The following AATK variants were observed in gnomAD, a reference collection of about 807,000 sequenced individuals.
AATK encodes the protein serine/threonine-protein kinase LMTK1.
Under a neutral mutation model 114.3 loss-of-function variants are expected in AATK, and 91 were observed. The observed-to-expected ratio is 0.80, with a 90% CI of 0.67 to 0.95. The LOEUF (loss-of-function observed/expected upper bound fraction) is 0.95, where lower values mean the gene tolerates loss of function less well. Among genes scored for constraint, AATK ranks in the 40% least tolerant of loss-of-function variants. AATK has a pLI of 0.00. For synonymous variants in AATK, 1,075 were observed against 916.5 expected, an observed-to-expected ratio of 1.17 and a Z score of -3.12; for missense variants, 2,176 against 1,965.2, an observed-to-expected ratio of 1.11 and a Z score of -2.03.
At chr17:81,133,719 G>C (rs2060970044) in intron 2 of AATK, among the ~76,000 whole-genome samples, 1 of 152,186 alleles carries the variant, frequency 6.6e-6, no homozygotes, top group South Asian at 2.1e-4. Flanking sequence ...GGGGTTTGCA[G>C]GGGGAGGAGC....
intron 1 of AATK, among the ~76,000 whole-genome samples, chr17:81,137,994 AC>A (rs988588453): frequency 4.6e-4 from 69 of 149,824 alleles, no homozygotes; most frequent in African/African-American, 1.7e-3. Flanking sequence ...GCGTGCACAC[AC>A]CCCCACACAC....
chr17:81,137,686 GA>G (rs1168792311), intron 1 of AATK, among the ~76,000 whole-genome samples: 1 of 152,140 alleles, frequency 6.6e-6, no homozygotes, highest in African/African-American at 2.4e-5. Context: ...GTGCATGCAT[GA>G]AAACACATGA....
At chr17:81,149,828 A>T (rs898844809) in intron 1 of AATK, among the ~76,000 whole-genome samples, 1 of 152,138 alleles carries the variant, frequency 6.6e-6, no homozygotes, top group East Asian at 1.9e-4. Flanking sequence ...AGCCCCCATC[A>T]GCCCAGCCTC....
Position 81,131,151 on chromosome 17 carries a change from G to C in AATK, c.244C>G (p.Pro82Ala), listed in dbSNP as rs1268362444. 6.3e-7 allele frequency: 1 copy of C among 1,577,004 alleles called. No individual in the cohort carries two copies. Among genetic ancestry groups the C allele is most frequent in the Admixed American group, 1.8e-5 (1 of 55,778 alleles). ...EYAADLAQGS[P>A]ATAAQNGPDV... ...GGCCCGTTCTGTGCTGCCGTGGCCG[G>C]GGAGCCCTGCGCCAGGTCGGCTGCG... The change falls in exon 3 of 14, where the codon CCG (proline) becomes GCG (alanine). Residue 82 changes from proline (P) to alanine (A), a missense_variant. Physicochemically the swap from Pro to Ala is conservative, Grantham distance 27. Around this residue, in one of 4 missense-constraint regions of AATK, gnomAD observed 178 missense variants for 175.4 expected, o/e 1.01. Transcript: ENST00000326724.
At position 81,120,881 on chromosome 17, in the gene AATK, G is replaced by T; in HGVS notation, c.3055C>A (p.Arg1019=). ...AGGCCCAGCTCTGGCCCGGGGGCTC[G>T]GTCCCCGCCGCACTTCTTCTCTGGG... ...SGPEKKCGGD[R]APGPELGLPS... The change falls in exon 11 of 14, where the codon CGA becomes AGA. Residue 1019 remains arginine (R), a synonymous_variant. Coordinates refer to ENST00000326724, the MANE Select transcript of AATK (RefSeq NM_001080395.3). 6.3e-7 allele frequency: 1 copy of T among 1,579,156 alleles called. No individual in the cohort carries two copies. Among genetic ancestry groups the T allele is most frequent in the East Asian group, 2.3e-5 (1 of 42,882 alleles).
chr17:81,165,216 C>A (rs1384680940), intron 1 of AATK, among the ~76,000 whole-genome samples: 1 of 152,230 alleles, frequency 6.6e-6, no homozygotes, highest in Non-Finnish European at 1.5e-5. Flanking sequence ...GGGCTTCCAG[C>A]TGTCCCCAGC....
rs377627608 is a variant in AATK, at chr17:81,117,458, C to G, written c.*944G>C. 1 of 152,386 alleles carries G rather than the reference C, an allele frequency of 6.6e-6. No homozygotes were observed. The highest frequency in any genetic ancestry group is 1.9e-4 in the East Asian group (1 of 5,188). 9.4% of individuals were successfully genotyped at this position (152,386 alleles called of 1,614,324 possible). ...AACTTAAAATCACCCAACTTCCATT[C>G]GCTCCAACCACAGCAGTTAGTTAGT... On this transcript the variant is annotated 3_prime_UTR_variant, in exon 14 of 14. Transcript: ENST00000326724.
rs762727576 is a variant in AATK, at chr17:81,124,770, T to C, written c.919A>G (p.Ser307Gly). Residue 307 changes from serine (S) to glycine (G), a missense_variant, in exon 9 of 14, where the codon AGC becomes GGC. Transcript: ENST00000326724. ...GTCTGGTCCACGACGAGCAGGTTGC[T>C]ATGCACCTCGTCCACCAGCTCTGGC... Reference protein sequence around the residue: ...IAPELVDEVHSNLLVVDQTKS... With the variant: ...IAPELVDEVHGNLLVVDQTKS... 13 of 1,612,784 alleles carry C rather than the reference T, an allele frequency of 8.1e-6. No individual in the cohort carries two copies. The highest frequency in any genetic ancestry group is 1.6e-4 in the Middle Eastern group (1 of 6,082).
In AATK at chr17:81,126,375, G is replaced by T; in HGVS notation, c.755+52C>A. On this transcript the variant is annotated intron_variant, in intron 7 of 13. Coordinates refer to ENST00000326724, the MANE Select transcript of AATK (RefSeq NM_001080395.3). The surrounding 1 kb of genome is among the most constrained non-coding windows in gnomAD (Gnocchi z 5.1). ...GACCCGCCCTATGCCCTTCCTTCAG[G>T]GGAGGGGCCTGGCCTAGGGCTTCCC... The T allele has an allele frequency of 2.0e-6, 3 of 1,520,944 alleles. No individual in the cohort carries two copies. Among genetic ancestry groups the T allele is most frequent in the Non-Finnish European group, 2.7e-6 (3 of 1,127,880 alleles). 94.2% of individuals were successfully genotyped at this position (1,520,944 alleles called of 1,614,324 possible). A position where few individuals can be genotyped will look rare whatever the true frequency, so the allele number is the denominator to read the frequency against.
intron 3 of AATK, among the ~76,000 whole-genome samples, chr17:81,130,558 C>A: frequency 6.6e-6 from 1 of 152,288 alleles, no homozygotes; most frequent in African/African-American, 2.4e-5. Flanking sequence ...CCCACACGGG[C>A]CCCACCAGCG....
At chr17:81,165,795 A>G in intron 1 of AATK, 143 bp downstream of exon 1, 3 of 1,502,016 alleles carry the variant, frequency 2.0e-6, no homozygotes, top group Non-Finnish European at 2.7e-6. Flanking sequence ...TGGGGCCGCC[A>G]GGGGGTCCGG....
At position 81,121,811 on chromosome 17, in the gene AATK, G is replaced by A; in HGVS notation, c.2125C>T (p.Pro709Ser). The change falls in exon 11 of 14, where the codon CCC becomes TCC. Residue 709 changes from proline (P) to serine (S), a missense_variant. Around this residue, in one of 4 missense-constraint regions of AATK, gnomAD observed 1,701 missense variants for 1,394.7 expected, o/e 1.22. Transcript: ENST00000326724. ...GCCCGTGGGGTCTGCTTTGGACTGG[G>A]GCAGCCCTCAGCGTGGCCGCCCGCA... ...VSAGGHAEGC[P>S]SPKQTPRASP... 6.3e-7 allele frequency: 1 copy of A among 1,585,644 alleles called. No individual in the cohort carries two copies. The highest frequency in any genetic ancestry group is 8.5e-7 in the Non-Finnish European group (1 of 1,172,670).
intron 1 of AATK, 100 bp downstream of exon 1, chr17:81,165,838 G>C: frequency 6.6e-7 from 1 of 1,522,352 alleles, no homozygotes; most frequent in Non-Finnish European, 8.8e-7. Flanking sequence ...GGCGGGGAAA[G>C]GGTTAATTTC....
chr17:81,122,668 C>A lies in AATK; in HGVS notation c.1268G>T (p.Gly423Val). Residue 423 changes from glycine to valine, a missense_variant, in exon 11 of 14, where the codon GGC becomes GTC. By Grantham distance (109) the Gly-to-Val change is moderately radical (BLOSUM62 -3). This residue lies in a region of AATK where 1,701 missense variants were observed against 1,394.7 expected (regional missense o/e 1.22). Transcript: ENST00000326724. ...RWRSLRPGGG[G>V]VGPGPGAAGP... ...CGCCGCACCGGGCCCGGGCCCCACG[C>A]CGCCCCCGCCGGGCCGCAGAGAGCG... The A allele has an allele frequency of 6.6e-7, 1 of 1,508,726 alleles. No individual in the cohort carries two copies. The highest frequency in any genetic ancestry group is 2.7e-5 in the East Asian group (1 of 37,060). The allele number at this position is 1,508,726 out of a possible 1,614,324, so 93.5% of individuals were successfully genotyped here. A position where few individuals can be genotyped will look rare whatever the true frequency, so the allele number is the denominator to read the frequency against.
intron 2 of AATK, chr17:81,132,658 G>A: frequency 3.3e-6 from 1 of 305,704 alleles, no homozygotes. Flanking sequence ...GGCATTACCT[G>A]CTGCCCGGGG....
rs145722179 is a variant in AATK, at chr17:81,142,829, C to G, written c.56-8328G>C. ...TCCCCGTCCCCCAAAGTCCACTTGA[C>G]TTGTAACCACCCTATCCACGGAGGT... On this transcript the variant is annotated intron_variant, in intron 1 of 13. Transcript: ENST00000326724. Among the ~76,000 whole-genome samples, 532 of 151,782 alleles carry G rather than the reference C, an allele frequency of 3.5e-3. 2 individuals are homozygous for G. Among genetic ancestry groups the G allele is most frequent in the Non-Finnish European group, 3.2e-3 (217 of 67,850 alleles).
intron 1 of AATK, among the ~76,000 whole-genome samples, chr17:81,144,683 T>C (rs558246455): frequency 6.6e-5 from 10 of 152,096 alleles, no homozygotes; most frequent in Non-Finnish European, 1.5e-4. Context: ...CACCGGAGAG[T>C]GTGGCAGAGT....
chr17:81,150,412 C>T (rs1033575480), intron 1 of AATK, among the ~76,000 whole-genome samples: 2 of 141,032 alleles, frequency 1.4e-5, no homozygotes, highest in African/African-American at 5.3e-5. Context: ...CCTAGGGCTC[C>T]CCCTGATCCC....
chr17:81,118,230 C>T lies in AATK; in HGVS notation c.*172G>A. 2 of 638,788 alleles carry T rather than the reference C, an allele frequency of 3.1e-6. No homozygotes were observed. The highest frequency in any genetic ancestry group is 5.5e-6 in the Non-Finnish European group (2 of 366,772). The allele number at this position is 638,788 out of a possible 1,614,324, so 39.6% of individuals were successfully genotyped here. A position where few individuals can be genotyped will look rare whatever the true frequency, so the allele number is the denominator to read the frequency against. On this transcript the variant is annotated 3_prime_UTR_variant, in exon 14 of 14. Coordinates refer to ENST00000326724, the MANE Select transcript of AATK (RefSeq NM_001080395.3). Reference sequence around the variant, plus strand: ...GGCGGAGCATGGCCGATCTACCATCCAGGGCCTCTCATCCCACGGGCTTCT... The same window carrying T: ...GGCGGAGCATGGCCGATCTACCATCTAGGGCCTCTCATCCCACGGGCTTCT...
Sources: allele counts gnomAD v4.1 joint callset (sites outside exome capture counted in the v4.1 genomes callset), GRCh38; gene constraint gnomAD v4.1.1; regional missense constraint gnomAD v4.1.1; non-coding constraint Gnocchi (gnomAD v3.1); transcripts MANE v1.5; gene names NCBI Gene and HGNC (gene_info 2026-07-23, HGNC 2026-07-21).